PCDHGA7: variants seen among roughly 807,000 people sequenced by gnomAD.
PCDHGA7 encodes the protein protocadherin gamma-A7.
Under a neutral mutation model 58.3 loss-of-function variants are expected in PCDHGA7, and 44 were observed. The ratio of observed to expected loss-of-function variants is 0.75; its 90% CI spans 0.59 to 0.97. The LOEUF is 0.97. PCDHGA7 is among the 50% of genes least tolerant of loss of function. PCDHGA7 has a pLI of 0.00. For missense variants in PCDHGA7, 1,266 were observed against 1,188.7 expected (o/e 1.06, Z -0.96); for synonymous variants, 516 against 504.2 (o/e 1.02, Z -0.31).
Position 141,493,034 on chromosome 5 carries a change from G to A in PCDHGA7, c.2425-1773G>A, listed in dbSNP as rs75211372. 6.6e-6 allele frequency among the ~76,000 whole-genome samples: 1 copy of A among 152,230 alleles called. No homozygotes were observed. Among genetic ancestry groups the A allele is most frequent in the African/African-American group, 2.4e-5 (1 of 41,458 alleles). On this transcript the variant is annotated intron_variant, in intron 1 of 3. Transcript: ENST00000518325. This position sits in a 1 kb window ranked among gnomAD's most constrained non-coding sequence, Gnocchi z 4.3. ...GCCAGATGCCAGGGTGCCCTTATGTGTGAGGAAACTACAATAGTAAAAAAC... is the reference window on the plus strand; with the variant it reads ...GCCAGATGCCAGGGTGCCCTTATGTATGAGGAAACTACAATAGTAAAAAAC...
At chr5:141,500,315 G>C (rs944076867) in intron 2 of PCDHGA7, among the ~76,000 whole-genome samples, 41 of 151,522 alleles carry the variant, frequency 2.7e-4, no homozygotes, top group African/African-American at 9.5e-4. Flanking sequence ...TTCACGCCAT[G>C]CTCCTGCCTC....
At chr5:141,440,221 C>A (rs557068282) in intron 1 of PCDHGA7, 2 of 152,450 alleles carry the variant, frequency 1.3e-5, no homozygotes, top group Admixed American at 6.5e-5. Context: ...GTAATCCCAG[C>A]ACTTTGGGAG....
intron 1 of PCDHGA7, chr5:141,393,025 G>A (rs1307917992): frequency 6.2e-7 from 1 of 1,613,864 alleles, no homozygotes; most frequent in Non-Finnish European, 8.5e-7. Flanking sequence ...TCCAGAGGTA[G>A]GACGCAGCTC....
At chr5:141,475,997 G>A in intron 1 of PCDHGA7, 2 of 1,184,406 alleles carry the variant, frequency 1.7e-6, no homozygotes, top group East Asian at 2.4e-5. Flanking sequence ...CAAATCAACG[G>A]CATCCAGAAA....
Position 141,476,340 on chromosome 5 carries a change from G to A in PCDHGA7, c.2425-18467G>A, listed in dbSNP as rs760616287. The A allele has an allele frequency of 2.2e-5, 36 of 1,614,068 alleles. No homozygotes were observed. In the Admixed American group the frequency reaches 2.5e-4, roughly 11 times the overall value. On this transcript the variant is annotated intron_variant, in intron 1 of 3. Transcript: ENST00000518325. The surrounding 1 kb of genome is among the most constrained non-coding windows in gnomAD (Gnocchi z 7.6). The stretch of plus-strand genomic sequence containing the variant: ...CGGGTGGTGTCTGGAGCTAGCCGAA[G>A]ATTCTTTGAGGTGAACCGGGAGACC...
intron 1 of PCDHGA7, chr5:141,414,738 C>A: frequency 6.2e-7 from 1 of 1,614,238 alleles, no homozygotes; most frequent in Non-Finnish European, 8.5e-7. Context: ...TGTATGCACT[C>A]AGATCCTTCG....
At chr5:141,403,105 C>T in intron 1 of PCDHGA7, 1 of 1,614,056 alleles carries the variant, frequency 6.2e-7, no homozygotes. Flanking sequence ...TCTCCAAGGA[C>T]CTGGCTCTGG....
At chr5:141,507,003 G>A (rs569257489) in intron 3 of PCDHGA7, 3 of 152,342 alleles carry the variant, frequency 2.0e-5, no homozygotes, top group African/African-American at 7.2e-5. Context: ...CGACAGATGA[G>A]AGAACCGAGA....
At chr5:141,394,359 G>A in intron 1 of PCDHGA7, 3 of 1,614,204 alleles carry the variant, frequency 1.9e-6, no homozygotes, top group Non-Finnish European at 2.5e-6. Context: ...TGTCCTGTAT[G>A]CGCTGCAATC....
chr5:141,475,914 A>C (rs2099380300), intron 1 of PCDHGA7: 1 of 592,260 alleles, frequency 1.7e-6, no homozygotes, highest in African/African-American at 1.9e-5. Context: ...GCCAATGAAG[A>C]CGCTGGAGAT....
chr5:141,388,432 A>G (rs760022375), intron 1 of PCDHGA7: 2 of 1,613,878 alleles, frequency 1.2e-6, no homozygotes, highest in Non-Finnish European at 8.5e-7. Context: ...CTGATAAATA[A>G]AGAGAAATCA....
chr5:141,395,081 A>G (rs749375075), intron 1 of PCDHGA7: 3 of 1,614,156 alleles, frequency 1.9e-6, no homozygotes, highest in South Asian at 1.1e-5. Context: ...ATTCCCAGGA[A>G]GTCTCCCTCA....
At chr5:141,416,982 T>C (rs191309825) in intron 1 of PCDHGA7, 25 of 152,264 alleles carry the variant, frequency 1.6e-4, no homozygotes, top group African/African-American at 5.5e-4. Context: ...GAGTCAAAAT[T>C]ATTGTGCATT....
chr5:141,413,665 C>T (rs770111467), intron 1 of PCDHGA7: 1 of 1,613,726 alleles, frequency 6.2e-7, no homozygotes, highest in East Asian at 2.2e-5. Flanking sequence ...AGCTATTGAT[C>T]CGGATGTGGG....
intron 1 of PCDHGA7, chr5:141,427,539 A>G: frequency 1.6e-6 from 1 of 632,868 alleles, no homozygotes; most frequent in Non-Finnish European, 2.9e-6. Context: ...GTACAACGTC[A>G]CCATCACTGC....
In PCDHGA7 at chr5:141,511,296, A is replaced by C; in HGVS notation, c.*123A>C. 1 of 1,505,968 alleles carries C rather than the reference A, an allele frequency of 6.6e-7. No individual in the cohort carries two copies. The allele number at this position is 1,505,968 out of a possible 1,614,324, so 93.3% of individuals were successfully genotyped here. On this transcript the variant is annotated 3_prime_UTR_variant, in exon 4 of 4. Coordinates refer to ENST00000518325, the MANE Select transcript of PCDHGA7 (RefSeq NM_018920.4). ...CAGAATACTGGTAGGGGCCAAGGCCATGCTCCCCTTGGGAAACAGAAACAA... is the reference window on the plus strand; with the variant it reads ...CAGAATACTGGTAGGGGCCAAGGCCCTGCTCCCCTTGGGAAACAGAAACAA...
Position 141,511,378 on chromosome 5 carries a change from T to C in PCDHGA7, c.*205T>C. 1 of 1,202,114 alleles carries C rather than the reference T, an allele frequency of 8.3e-7. No homozygotes were observed. The highest frequency in any genetic ancestry group is 1.1e-6 in the Non-Finnish European group (1 of 882,194). The allele number at this position is 1,202,114 out of a possible 1,614,324, so 74.5% of individuals were successfully genotyped here. A position where few individuals can be genotyped will look rare whatever the true frequency, so the allele number is the denominator to read the frequency against. On this transcript the variant is annotated 3_prime_UTR_variant, in exon 4 of 4. Coordinates refer to ENST00000518325, the MANE Select transcript of PCDHGA7 (RefSeq NM_018920.4). ...AGGGGGTTGAATATGCAAAAGCAGT[T>C]CCGCTGGGAACCCCCATCCAATCAA...
At chr5:141,437,187 G>A (rs1055878763) in intron 1 of PCDHGA7, among the ~76,000 whole-genome samples, 1 of 152,148 alleles carries the variant, frequency 6.6e-6, no homozygotes, top group Non-Finnish European at 1.5e-5. Context: ...ACTGGGCAAT[G>A]GGTTTGGATG....
chr5:141,439,697 A>T (rs2098127217), intron 1 of PCDHGA7, among the ~76,000 whole-genome samples: 1 of 152,218 alleles, frequency 6.6e-6, no homozygotes, highest in Non-Finnish European at 1.5e-5. Flanking sequence ...CAACATTCCT[A>T]TTATGGCTCC....
Sources: allele counts gnomAD v4.1 joint callset (sites outside exome capture counted in the v4.1 genomes callset), GRCh38; gene constraint gnomAD v4.1.1; non-coding constraint Gnocchi (gnomAD v3.1); transcripts MANE v1.5; gene names NCBI Gene and HGNC (gene_info 2026-07-23, HGNC 2026-07-21).